Variants in B9D1 observed in about 807,000 individuals in gnomAD.
B9D1 encodes the protein B9 domain containing 1.
A neutral mutation model predicts 26.1 loss-of-function variants in B9D1; 20 were observed. The ratio of observed to expected loss-of-function variants is 0.77; its 90% confidence interval spans 0.54 to 1.12. The LOEUF is 1.12. Ranked by LOEUF, B9D1 falls within the 50% of genes most tolerant of loss-of-function variation. The probability of loss-of-function intolerance (pLI) is 0.00; values close to 1 mark genes in which losing one functional copy is unlikely to be tolerated. For missense variants in B9D1, 260 were observed against 273.7 expected (o/e 0.95, Z 0.35); for synonymous variants, 105 against 103.1 (o/e 1.02, Z -0.11).
intron 1 of B9D1, among the ~76,000 whole-genome samples, chr17:19,373,498 TCTC>T (rs1307862164): frequency 7.2e-5 from 11 of 152,128 alleles, no homozygotes; most frequent in African/African-American, 2.2e-4. Flanking sequence ...TTCAAGCAAT[TCTC>T]CTGCCTCAGC....
At chr17:19,339,866 T>TTGA (rs1235460401), downstream of B9D1, among the ~76,000 whole-genome samples, 1 of 152,186 alleles carries the variant, frequency 6.6e-6, no homozygotes, top group Non-Finnish European at 1.5e-5. Flanking sequence ...TGGACCCACC[T>TTGA]TGATACAAGG....
chr17:19,362,380 C>A, intron 1 of B9D1, 127 bp downstream of exon 1: 1 of 695,186 alleles, frequency 1.4e-6, no homozygotes, highest in Non-Finnish European at 2.3e-6. Flanking sequence ...CTCCCCTCCC[C>A]CGCCTAACCG....
chr17:19,347,104 A>T lies in B9D1; in HGVS notation c.404+165T>A. On this transcript the variant is annotated intron_variant, in intron 5 of 6. Coordinates refer to ENST00000261499, the MANE Select transcript of B9D1 (RefSeq NM_015681.6). The surrounding 1 kb of genome is among the most constrained non-coding windows in gnomAD (Gnocchi z 4.3). The stretch of plus-strand genomic sequence containing the variant: ...CTGCTGCTGGAACAGGGCTGAAGGG[A>T]GCCCCGTGACTCAGCACTCCCAGGG... The T allele has an allele frequency of 6.4e-7, 1 of 1,567,218 alleles. No individual in the cohort carries two copies. The highest frequency in any genetic ancestry group is 8.7e-7 in the Non-Finnish European group (1 of 1,155,782).
In B9D1 at chr17:19,362,659, G is replaced by T. The variant is rs745309244; in HGVS notation, c.-90C>A. 2.4e-5 allele frequency: 37 copies of T among 1,550,418 alleles called. No homozygotes were observed. Among genetic ancestry groups the T allele is most frequent in the Middle Eastern group, 1.7e-4 (1 of 5,996 alleles). ...TTGCCCTAGAAACAGACGGCGTAGCGCGCAGGACACGTTTCTTGGCAGCGA... is the reference window on the plus strand; with the variant it reads ...TTGCCCTAGAAACAGACGGCGTAGCTCGCAGGACACGTTTCTTGGCAGCGA... On this transcript the variant is annotated 5_prime_UTR_variant, in exon 1 of 7. Transcript: ENST00000261499.
chr17:19,362,651 G>T lies in B9D1; in HGVS notation c.-82C>A. 6.4e-7 allele frequency: 1 copy of T among 1,552,650 alleles called. No homozygotes were observed. The highest frequency in any genetic ancestry group is 1.4e-5 in the African/African-American group (1 of 73,732). Reference sequence around the variant, plus strand: ...CGCCGGCGTTGCCCTAGAAACAGACGGCGTAGCGCGCAGGACACGTTTCTT... The same window carrying T: ...CGCCGGCGTTGCCCTAGAAACAGACTGCGTAGCGCGCAGGACACGTTTCTT... On this transcript the variant is annotated 5_prime_UTR_variant, in exon 1 of 7. Transcript: ENST00000261499.
At chr17:19,371,598 C>T (rs1200648115) in intron 1 of B9D1, 1 of 152,304 alleles carries the variant, frequency 6.6e-6, no homozygotes, top group East Asian at 1.9e-4. Context: ...CCCAAACTCT[C>T]CTCCCCAACC....
chr17:19,362,678 G>T lies in B9D1; in HGVS notation c.-109C>A. Reference sequence around the variant, plus strand: ...CGTAGCGCGCAGGACACGTTTCTTGGCAGCGACACCTTCGCGAAGGCCACG... The same window carrying T: ...CGTAGCGCGCAGGACACGTTTCTTGTCAGCGACACCTTCGCGAAGGCCACG... On this transcript the variant is annotated 5_prime_UTR_variant, in exon 1 of 7. Transcript: ENST00000261499. The T allele has an allele frequency of 6.5e-7, 1 of 1,542,758 alleles. No individual in the cohort carries two copies. The highest frequency in any genetic ancestry group is 1.2e-5 in the South Asian group (1 of 83,968).
At chr17:19,344,101 C>T (rs573974208) in intron 5 of B9D1, among the ~76,000 whole-genome samples, 13 of 152,232 alleles carry the variant, frequency 8.5e-5, no homozygotes, top group Non-Finnish European at 1.8e-4. Context: ...ACGCTGCCTC[C>T]GCTGGCCGGT....
chr17:19,361,779 G>GA (rs1567905426), intron 1 of B9D1, among the ~76,000 whole-genome samples: 1 of 152,208 alleles, frequency 6.6e-6, no homozygotes, highest in Non-Finnish European at 1.5e-5. Context: ...CAACAGCCTG[G>GA]AAGGACAGTG....
intron 3 of B9D1, chr17:19,357,583 G>A (rs867252741): frequency 1.0e-4 from 53 of 518,034 alleles, no homozygotes; most frequent in South Asian, 7.7e-4. Context: ...TTTTACAGGC[G>A]TGGCCACTAG....
rs1911865046 is a variant in B9D1, at chr17:19,370,989, C to T, written c.-298+6870G>A. Among the ~76,000 whole-genome samples the T allele has an allele frequency of 6.6e-6, 1 of 152,244 alleles. No homozygotes were observed. The stretch of plus-strand genomic sequence containing the variant: ...CATCAAGCCCCACTGCTTTCCACTG[C>T]TTTGGTGCCTTCGCCTCTCTGGGTG... On this transcript the variant is annotated intron_variant, in intron 1 of 5. Coordinates refer to the B9D1 transcript ENST00000477478. This position sits in a 1 kb window ranked among gnomAD's most constrained non-coding sequence, Gnocchi z 5.1.
intron 1 of B9D1, among the ~76,000 whole-genome samples, chr17:19,375,926 A>T (rs1912078183): frequency 6.6e-6 from 1 of 152,238 alleles, no homozygotes; most frequent in African/African-American, 2.4e-5. Flanking sequence ...CCACAAAAAA[A>T]CTTGTAAACA....
chr17:19,346,883 G>GA, intron 5 of B9D1: 1 of 1,412,000 alleles, frequency 7.1e-7, no homozygotes, highest in Non-Finnish European at 9.2e-7. Flanking sequence ...GCTCCGGCCA[G>GA]AGACTCCCAC....
intron 3 of B9D1, among the ~76,000 whole-genome samples, chr17:19,350,535 TC>T (rs1207036881): frequency 6.6e-6 from 1 of 151,856 alleles, no homozygotes; most frequent in Non-Finnish European, 1.5e-5. Context: ...AGAGCAAGAC[TC>T]CATCTCAAAA....
At chr17:19,365,833 AT>A (rs1252709700), upstream of B9D1, among the ~76,000 whole-genome samples, 1 of 150,734 alleles carries the variant, frequency 6.6e-6, no homozygotes, top group Admixed American at 6.6e-5. The surrounding 1 kb of genome is among the most constrained non-coding windows in gnomAD (Gnocchi z 5.0). Flanking sequence ...AGTTCCATAC[AT>A]TTGTAGCTAT....
rs1908771404 is a variant in B9D1 at position 19,346,332 on chromosome 17, G to A, written c.404+937C>T. On this transcript the variant is annotated intron_variant, in intron 5 of 6. Coordinates refer to ENST00000261499, the MANE Select transcript of B9D1 (RefSeq NM_015681.6). ...CTTCCTCCCCTCCACGGCTCTCAGAGCTCAGTGAAGCATTCTCGGCCCTGG... is the reference window on the plus strand; with the variant it reads ...CTTCCTCCCCTCCACGGCTCTCAGAACTCAGTGAAGCATTCTCGGCCCTGG... 2.6e-5 allele frequency among the ~76,000 whole-genome samples: 4 copies of A among 152,218 alleles called. No homozygotes were observed. In the South Asian group the frequency reaches 6.2e-4, roughly 24 times the overall value.
chr17:19,359,968 C>G lies in B9D1; in HGVS notation c.132+352G>C, dbSNP rs574437520. ...CTCTGTCTTTTTACTCCAGGTCCTC[C>G]CCACTGGCTGAGGAGAGGCCAAATG... On this transcript the variant is annotated intron_variant, in intron 2 of 6. Coordinates refer to ENST00000261499, the MANE Select transcript of B9D1 (RefSeq NM_015681.6). This position sits in a 1 kb window ranked among gnomAD's most constrained non-coding sequence, Gnocchi z 5.0. Among the ~76,000 whole-genome samples, 3 of 152,294 alleles carry G rather than the reference C, an allele frequency of 2.0e-5. No individual in the cohort carries two copies. Among genetic ancestry groups the G allele is most frequent in the Admixed American group, 6.5e-5 (1 of 15,294 alleles).
Position 19,372,726 on chromosome 17 carries a change from C to T in B9D1, c.-298+5133G>A, listed in dbSNP as rs1205752163. On this transcript the variant is annotated intron_variant, in intron 1 of 5. Coordinates refer to the B9D1 transcript ENST00000477478. The surrounding 1 kb of genome is among the most constrained non-coding windows in gnomAD (Gnocchi z 4.4). Reference sequence around the variant, plus strand: ...AAAGGATGCCCCGGCCTCCATGTGACGGAGCTGGATTCAAACCCAGGTGTT... The same window carrying T: ...AAAGGATGCCCCGGCCTCCATGTGATGGAGCTGGATTCAAACCCAGGTGTT... Among the ~76,000 whole-genome samples, 1 of 152,206 alleles carries T rather than the reference C, an allele frequency of 6.6e-6. No individual in the cohort carries two copies. Among genetic ancestry groups the T allele is most frequent in the Non-Finnish European group, 1.5e-5 (1 of 68,034 alleles).
At chr17:19,346,505 G>C (rs747622961) in intron 5 of B9D1, among the ~76,000 whole-genome samples, 10 of 152,160 alleles carry the variant, frequency 6.6e-5, no homozygotes, top group Non-Finnish European at 1.5e-4. Flanking sequence ...CTGCCGGTGG[G>C]CGGCAGAGGC....
Sources: gnomAD v4.1 joint callset for allele counts (sites outside exome capture counted in the v4.1 genomes callset) on GRCh38, gnomAD v4.1.1 for gene constraint, Gnocchi (gnomAD v3.1) non-coding constraint, MANE v1.5 for transcripts, NCBI Gene and HGNC (gene_info 2026-07-23, HGNC 2026-07-21) for gene names.